The following SUGCT variants were observed in gnomAD, a reference collection of about 807,000 sequenced individuals.
SUGCT encodes the protein succinyl-CoA:glutarate-CoA transferase.
Under a neutral mutation model 55.0 loss-of-function variants are expected in SUGCT, and 41 were observed. The ratio of observed to expected loss-of-function variants is 0.74; its 90% CI spans 0.58 to 0.97. SUGCT has a LOEUF of 0.97. Ranked by LOEUF, SUGCT falls within the 50% of genes least tolerant of loss-of-function variation. The probability of loss-of-function intolerance (pLI) is 0.00; values close to 1 mark genes in which losing one functional copy is unlikely to be tolerated. For synonymous variants in SUGCT, 187 were observed against 200.4 expected, an observed-to-expected ratio of 0.93 and a Z score of 0.56; for missense variants, 568 against 547.8, an observed-to-expected ratio of 1.04 and a Z score of -0.37.
At chr7:40,496,684 G>T (rs1369627928) in intron 12 of SUGCT, among the ~76,000 whole-genome samples, 2 of 151,876 alleles carry the variant, frequency 1.3e-5, no homozygotes, top group Admixed American at 6.6e-5. Context: ...TGAGATATTG[G>T]GGTTGGGTAC....
In SUGCT at chr7:40,249,313, C is replaced by CTATA. The variant is rs57348487; in HGVS notation, c.576+11618_576+11621dup. Among the ~76,000 whole-genome samples, 530 of 79,446 alleles carry CTATA rather than the reference C, an allele frequency of 6.7e-3. 11 individuals are homozygous for CTATA. The highest frequency in any genetic ancestry group is 0.021 in the Middle Eastern group (3 of 144). 52.1% of individuals were successfully genotyped at this position (79,446 alleles called of 152,430 possible). A position where few individuals can be genotyped will look rare whatever the true frequency, so the allele number is the denominator to read the frequency against. ...TCTTAAAACAAAAAACACCAAAAAG[C>CTATA]TATATATATATATATATATATATAT... On this transcript the variant is annotated intron_variant, in intron 7 of 13. Coordinates refer to ENST00000335693, the MANE Select transcript of SUGCT (RefSeq NM_001193313.2).
intron 9 of SUGCT, among the ~76,000 whole-genome samples, chr7:40,404,974 A>G (rs1051600097): frequency 1.3e-5 from 2 of 152,158 alleles, no homozygotes; most frequent in Non-Finnish European, 2.9e-5. Context: ...TTAGGTTGAA[A>G]CACAATACCA....
intron 8 of SUGCT, among the ~76,000 whole-genome samples, chr7:40,309,582 A>G (rs1455193810): frequency 6.6e-6 from 1 of 152,220 alleles, no homozygotes; most frequent in African/African-American, 2.4e-5. Flanking sequence ...GACATGAGCC[A>G]CTGCACCTGG....
rs539505438 is a variant in SUGCT, at chr7:40,524,365, G to A, written c.1089+27979G>A. On this transcript the variant is annotated intron_variant, in intron 12 of 13. Transcript: ENST00000335693. ...TGATGTCTTTTTGCTAGGACATCTTGTGTTTGCTAGGACCTACTTTTAGTC... is the reference window on the plus strand; with the variant it reads ...TGATGTCTTTTTGCTAGGACATCTTATGTTTGCTAGGACCTACTTTTAGTC... Among the ~76,000 whole-genome samples, 3 of 152,152 alleles carry A rather than the reference G, an allele frequency of 2.0e-5. No individual in the cohort carries two copies. In the South Asian group the frequency reaches 6.2e-4, roughly 32 times the overall value.
At chr7:40,693,153 C>T (rs75030838) in intron 12 of SUGCT, among the ~76,000 whole-genome samples, 3,888 of 152,290 alleles carry the variant, frequency 0.026, 70 homozygotes, top group Non-Finnish European at 0.037. Flanking sequence ...TCTTCACAGT[C>T]ATTTCCCCCA....
the SUGCT span, among the ~76,000 whole-genome samples, chr7:40,901,168 C>G: frequency 6.6e-6 from 1 of 152,172 alleles, no homozygotes; most frequent in Non-Finnish European, 1.5e-5. Context: ...TACATGGACT[C>G]TCAGCAGAAC....
At chr7:40,645,524 T>C (rs2151831006) in intron 12 of SUGCT, among the ~76,000 whole-genome samples, 1 of 152,314 alleles carries the variant, frequency 6.6e-6, no homozygotes, top group South Asian at 2.1e-4. Context: ...ACATTTTTCC[T>C]ACCCTACTTC....
the SUGCT span, among the ~76,000 whole-genome samples, chr7:41,012,248 A>G: frequency 6.6e-6 from 1 of 152,082 alleles, no homozygotes; most frequent in Non-Finnish European, 1.5e-5. Flanking sequence ...AGGCTTGATT[A>G]GCTCACGCTC....
intron 9 of SUGCT, among the ~76,000 whole-genome samples, chr7:40,332,722 A>G (rs952479582): frequency 6.6e-6 from 1 of 152,146 alleles, no homozygotes; most frequent in Non-Finnish European, 1.5e-5. Context: ...GAGGTGTTGC[A>G]TTAATGTGGG....
chr7:40,227,621 T>A (rs895860746), intron 6 of SUGCT, among the ~76,000 whole-genome samples: 16 of 152,080 alleles, frequency 1.1e-4, no homozygotes, highest in African/African-American at 3.6e-4. Flanking sequence ...TATAAAAAAA[T>A]TTTTAATTGA....
chr7:40,929,224 T>A, the SUGCT span, among the ~76,000 whole-genome samples: 5 of 152,200 alleles, frequency 3.3e-5, no homozygotes, highest in Non-Finnish European at 7.3e-5. Flanking sequence ...GTTTCCAGCT[T>A]CATCCATGTC....
intron 9 of SUGCT, among the ~76,000 whole-genome samples, chr7:40,349,484 T>C (rs1042734613): frequency 6.6e-6 from 1 of 152,038 alleles, no homozygotes; most frequent in African/African-American, 2.4e-5. Context: ...TAGTACAAAC[T>C]GGTCTTTTGT....
chr7:40,568,078 A>C (rs922914695), intron 12 of SUGCT, among the ~76,000 whole-genome samples: 3 of 152,210 alleles, frequency 2.0e-5, no homozygotes, highest in Non-Finnish European at 4.4e-5. Context: ...TGATGACATC[A>C]TATCTGAGAA....
At chr7:40,507,801 CCTT>C (rs967192552) in intron 12 of SUGCT, among the ~76,000 whole-genome samples, 1 of 152,140 alleles carries the variant, frequency 6.6e-6, no homozygotes, top group Non-Finnish European at 1.5e-5. Flanking sequence ...TTTGATTACC[CCTT>C]CTTGGTAAAG....
At chr7:40,961,722 G>T in the SUGCT span, among the ~76,000 whole-genome samples, 2 of 151,968 alleles carry the variant, frequency 1.3e-5, no homozygotes, top group Non-Finnish European at 2.9e-5. Flanking sequence ...GTTCAGATGT[G>T]TCCAGAGTTT....
At chr7:40,715,062 G>A (rs377530997) in intron 12 of SUGCT, among the ~76,000 whole-genome samples, 29 of 151,716 alleles carry the variant, frequency 1.9e-4, no homozygotes, top group East Asian at 1.7e-3. Context: ...TTAAGGTTGT[G>A]TATGGAAAAA....
At chr7:40,682,281 A>G (rs376753069) in intron 12 of SUGCT, among the ~76,000 whole-genome samples, 113 of 152,270 alleles carry the variant, frequency 7.4e-4, no homozygotes, top group African/African-American at 2.6e-3. Context: ...CTGGCTGCTC[A>G]TTTGTATCCT....
At chr7:40,734,145 A>AT (rs747487844) in intron 12 of SUGCT, among the ~76,000 whole-genome samples, 2 of 152,194 alleles carry the variant, frequency 1.3e-5, no homozygotes, top group Non-Finnish European at 2.9e-5. Context: ...TCCATAAAAG[A>AT]TTACTTGCAT....
chr7:41,036,137 A>T, the SUGCT span, among the ~76,000 whole-genome samples: 51 of 152,302 alleles, frequency 3.3e-4, no homozygotes, highest in Admixed American at 7.2e-4. Flanking sequence ...ATAGAGGCTC[A>T]AACAAATTTG....
Sources: gnomAD v4.1 joint callset for allele counts (sites outside exome capture counted in the v4.1 genomes callset) on GRCh38, gnomAD v4.1.1 for gene constraint, MANE v1.5 for transcripts, NCBI Gene and HGNC (gene_info 2026-07-23, HGNC 2026-07-21) for gene names.